Variants in DDX6 observed in about 807,000 individuals in gnomAD.
DDX6 encodes the protein probable ATP-dependent RNA helicase DDX6.
In DDX6, 7 loss-of-function variants were observed where a neutral mutation model predicts 60.6. The ratio of observed to expected loss-of-function variants is 0.12; its 90% CI spans 0.07 to 0.22. The LOEUF (loss-of-function observed/expected upper bound fraction) is 0.22. Among genes scored for constraint, DDX6 ranks in the 10% least tolerant of loss-of-function variants. DDX6 has a pLI of 1.00. For synonymous variants in DDX6, 207 were observed against 201.0 expected (o/e 1.03, Z -0.25); for missense variants, 270 against 589.9 (o/e 0.46, Z 5.62).
chr11:118,758,320 T>C (rs1162896773), intron 9 of DDX6, among the ~76,000 whole-genome samples: 1 of 152,220 alleles, frequency 6.6e-6, no homozygotes, highest in Non-Finnish European at 1.5e-5. Context: ...GTATCAACTT[T>C]AGGTCAACAA....
intron 6 of DDX6, among the ~76,000 whole-genome samples, chr11:118,764,923 A>T (rs1009794579): frequency 5.3e-5 from 8 of 152,110 alleles, no homozygotes; most frequent in Non-Finnish European, 1.0e-4. Context: ...TTTACAATGT[A>T]GCCTATTTGT....
In DDX6 at chr11:118,747,909, C is replaced by CCA. The variant is rs1860615299; in HGVS notation, c.*4195_*4196insTG. On this transcript the variant is annotated 3_prime_UTR_variant, in exon 14 of 14. Coordinates refer to ENST00000534980, the MANE Select transcript of DDX6 (RefSeq NM_004397.6). Reference sequence around the variant, plus strand: ...ATCCCAACAAAAACAGAGCCCCCCCCCCCCCCACTGGAACATCTGCCAATT... The same window carrying CCA: ...ATCCCAACAAAAACAGAGCCCCCCCCCACCCCCCACTGGAACATCTGCCAATT... 8.9e-6 allele frequency: 1 copy of CCA among 111,886 alleles called. No individual in the cohort carries two copies. The highest frequency in any genetic ancestry group is 2.0e-5 in the Non-Finnish European group (1 of 51,088). 6.9% of individuals were successfully genotyped at this position (111,886 alleles called of 1,614,324 possible). A position where few individuals can be genotyped will look rare whatever the true frequency, so the allele number is the denominator to read the frequency against.
chr11:118,786,516 A>G lies in DDX6; in HGVS notation c.-265T>C, dbSNP rs1328598026. 3 of 297,308 alleles carry G rather than the reference A, an allele frequency of 1.0e-5. No individual in the cohort carries two copies. The highest frequency in any genetic ancestry group is 1.9e-5 in the Non-Finnish European group (3 of 161,774). The allele number at this position is 297,308 out of a possible 1,614,324, so 18.4% of individuals were successfully genotyped here. A position where few individuals can be genotyped will look rare whatever the true frequency, so the allele number is the denominator to read the frequency against. ...AGTTATATCTGAATTCACTCACGTC[A>G]ATCTGAAACAAACAAACAAAATTAA... On this transcript the variant is annotated splice_region_variant and 5_prime_UTR_variant, in exon 2 of 14. Transcript: ENST00000534980.
intron 7 of DDX6, among the ~76,000 whole-genome samples, chr11:118,761,852 A>C (rs1182672396): frequency 9.2e-6 from 1 of 108,386 alleles, no homozygotes; most frequent in African/African-American, 3.4e-5. Context: ...TTCTTGTAAA[A>C]ATTAAATGGA....
chr11:118,787,593 A>C (rs910476375), intron 1 of DDX6: 1 of 152,262 alleles, frequency 6.6e-6, no homozygotes, highest in Non-Finnish European at 1.5e-5. Flanking sequence ...TGAACCTGGC[A>C]GACGGAGGCT....
intron 4 of DDX6, among the ~76,000 whole-genome samples, chr11:118,773,888 C>CA (rs1355181673): frequency 4.0e-5 from 6 of 150,078 alleles, no homozygotes; most frequent in Admixed American, 6.6e-5. Flanking sequence ...AACAAACAAA[C>CA]AAAAAAAACC....
intron 11 of DDX6, 34 bp from the exon 12 acceptor site, chr11:118,755,537 A>T: frequency 8.1e-7 from 1 of 1,233,706 alleles, no homozygotes; most frequent in Non-Finnish European, 1.2e-6. Context: ...CATTTTTTCA[A>T]TTTAGAAATG....
chr11:118,762,969 T>C (rs1555160576), intron 7 of DDX6, among the ~76,000 whole-genome samples: 1 of 152,206 alleles, frequency 6.6e-6, no homozygotes, highest in Non-Finnish European at 1.5e-5. Flanking sequence ...ACTCCTCTAC[T>C]AAAAAATTAA....
chr11:118,781,045 C>A, intron 3 of DDX6, 76 bp downstream of exon 3: 1 of 1,002,204 alleles, frequency 1.0e-6, no homozygotes, highest in East Asian at 2.6e-5. Flanking sequence ...CCAATTCCCT[C>A]CAGATACCGA....
At chr11:118,786,963 T>C (rs1477906330) in intron 1 of DDX6, 1 of 152,188 alleles carries the variant, frequency 6.6e-6, no homozygotes, top group Non-Finnish European at 1.5e-5. Flanking sequence ...CGAGAGTCCT[T>C]ATAGATTTAA....
chr11:118,780,596 C>A (rs1591920713), intron 3 of DDX6, among the ~76,000 whole-genome samples: 1 of 152,188 alleles, frequency 6.6e-6, no homozygotes, highest in East Asian at 1.9e-4. Context: ...GGAATACAGG[C>A]AAGAGCCACT....
intron 4 of DDX6, among the ~76,000 whole-genome samples, chr11:118,771,821 TG>T (rs1270683081): frequency 6.6e-6 from 1 of 152,174 alleles, no homozygotes; most frequent in East Asian, 1.9e-4. Context: ...TTGGAGAAAA[TG>T]GAACTCTCAT....
chr11:118,780,259 G>A (rs917019332), intron 3 of DDX6, among the ~76,000 whole-genome samples: 2 of 151,366 alleles, frequency 1.3e-5, no homozygotes, highest in African/African-American at 4.9e-5. Context: ...CACTGTCCCT[G>A]CTTTGACACA....
At chr11:118,758,934 C>T (rs782281147) in intron 8 of DDX6, 32 bp from the exon 9 acceptor site, 24 of 1,610,918 alleles carry the variant, frequency 1.5e-5, no homozygotes, top group African/African-American at 2.7e-5. Context: ...GATGAGTCGT[C>T]GTCTTAAATG....
chr11:118,760,823 CAAAAAAAAA>C (rs544626778), intron 7 of DDX6, among the ~76,000 whole-genome samples: 1 of 56,536 alleles, frequency 1.8e-5, no homozygotes, highest in Non-Finnish European at 3.3e-5. Flanking sequence ...TACTCCGTCT[CAAAAAAAAA>C]AAAAAAAAAA....
Position 118,754,837 on chromosome 11 carries a change from G to A in DDX6, c.1327C>T (p.Arg443Cys), listed in dbSNP as rs1482151571. Residue 443 changes from arginine (R) to cysteine (C), a missense_variant, in exon 13 of 14, where the codon CGC becomes TGC. Physicochemically the swap from Arg to Cys is radical, Grantham distance 180. Transcript: ENST00000534980. The stretch of plus-strand genomic sequence containing the variant: ...TCCTCAATACTTTTCAGGTTGAAGC[G>A]ATCATCATATGTGATCAAGTTGATG... ...LAINLITYDD[R>C]FNLKSIEEQL... 3.1e-6 allele frequency: 5 copies of A among 1,613,770 alleles called. No homozygotes were observed. In the South Asian group the frequency reaches 3.3e-5, roughly 11 times the overall value.
At position 118,781,183 on chromosome 11, in the gene DDX6, G is replaced by C. The variant is rs1861886951; in HGVS notation, c.202C>G (p.Pro68Ala). 1 of 1,596,266 alleles carries C rather than the reference G, an allele frequency of 6.3e-7. No individual in the cohort carries two copies. Among genetic ancestry groups the C allele is most frequent in the Non-Finnish European group, 8.6e-7 (1 of 1,167,734 alleles). The change falls in exon 3 of 14, where the codon CCT becomes GCT. Residue 68 changes from proline (P) to alanine (A), a missense_variant and splice_region_variant. Around this residue, in one of 8 missense-constraint regions of DDX6, gnomAD observed 102 missense variants for 110.5 expected, o/e 0.92. Coordinates refer to ENST00000534980, the MANE Select transcript of DDX6 (RefSeq NM_004397.6). ...AAAGTCTTTTTCCAGTCATCACCAGGTCTAGAGAGAATACAGTAAACTTGA... is the reference window on the plus strand; with the variant it reads ...AAAGTCTTTTTCCAGTCATCACCAGCTCTAGAGAGAATACAGTAAACTTGA... ...QAQSMTTTIKPGDDWKKTLKL... is the reference protein window; with the variant it reads ...QAQSMTTTIKAGDDWKKTLKL...
intron 2 of DDX6, 191 bp downstream of exon 2, chr11:118,785,861 C>T: frequency 2.0e-6 from 1 of 494,300 alleles, no homozygotes; most frequent in Non-Finnish European, 3.5e-6. Flanking sequence ...AGGATGACTA[C>T]TTGCTGAACA....
At chr11:118,767,334 G>A (rs1861387174) in intron 5 of DDX6, among the ~76,000 whole-genome samples, 1 of 152,108 alleles carries the variant, frequency 6.6e-6, no homozygotes. Context: ...TGCTACCTAG[G>A]CTCTATTTAC....
Sources: gnomAD v4.1 joint callset for allele counts (sites outside exome capture counted in the v4.1 genomes callset) on GRCh38, gnomAD v4.1.1 for gene constraint, gnomAD v4.1.1 regional missense constraint, MANE v1.5 for transcripts, NCBI Gene and HGNC (gene_info 2026-07-23, HGNC 2026-07-21) for gene names.